Variants in PPP2R2C observed in about 807,000 individuals in gnomAD.
PPP2R2C encodes the protein protein phosphatase 2, regulatory subunit B, gamma.
In PPP2R2C, 10 loss-of-function variants were observed where a neutral mutation model predicts 45.3. The ratio of observed to expected loss-of-function variants is 0.22; its 90% confidence interval spans 0.14 to 0.37. PPP2R2C has a LOEUF of 0.37. Among genes scored for constraint, PPP2R2C ranks in the 10% least tolerant of loss-of-function variants. The probability of loss-of-function intolerance (pLI) is 1.00; values close to 1 mark genes in which losing one functional copy is unlikely to be tolerated. For synonymous variants in PPP2R2C, 257 were observed against 245.4 expected (o/e 1.05, Z -0.44); for missense variants, 308 against 619.7 (o/e 0.50, Z 5.34).
intron 2 of PPP2R2C, among the ~76,000 whole-genome samples, chr4:6,501,728 C>T (rs1490474408): frequency 1.3e-5 from 2 of 152,168 alleles, no homozygotes; most frequent in Admixed American, 6.5e-5. Flanking sequence ...CTTAGGGTGG[C>T]CTGGCCTTCC....
intron 1 of PPP2R2C, among the ~76,000 whole-genome samples, chr4:6,412,032 T>A (rs1718233208): frequency 6.6e-6 from 1 of 152,164 alleles, no homozygotes; most frequent in Non-Finnish European, 1.5e-5. Flanking sequence ...CATGAGCTCC[T>A]CAGAGCTAGT....
intron 5 of PPP2R2C, chr4:6,350,342 T>C (rs1465518266): frequency 2.0e-6 from 2 of 985,286 alleles, no homozygotes; most frequent in African/African-American, 3.5e-5. Flanking sequence ...TAAAGTGGGA[T>C]CCAGAGAAAA....
chr4:6,342,498 G>A (rs1468555257), intron 6 of PPP2R2C, among the ~76,000 whole-genome samples: 1 of 152,116 alleles, frequency 6.6e-6, no homozygotes, highest in African/African-American at 2.4e-5. Context: ...AATGAGCTGC[G>A]GTTATTATTT....
chr4:6,380,960 AC>A (rs768111918), intron 2 of PPP2R2C, 36 bp downstream of exon 2: 66 of 1,232,784 alleles, frequency 5.4e-5, no homozygotes, highest in Non-Finnish European at 6.3e-5. Flanking sequence ...TCTGCTCCCC[AC>A]CCCTCCCACC....
intron 1 of PPP2R2C, among the ~76,000 whole-genome samples, chr4:6,386,774 G>T (rs1173439921): frequency 6.6e-6 from 1 of 152,188 alleles, no homozygotes; most frequent in Non-Finnish European, 1.5e-5. Flanking sequence ...AAATGTGCTG[G>T]CCGCTGCAAT....
chr4:6,458,236 T>G (rs1721143061), intron 1 of PPP2R2C, among the ~76,000 whole-genome samples: 1 of 152,250 alleles, frequency 6.6e-6, no homozygotes. Flanking sequence ...TGCAGGCTCA[T>G]CACTGGGAGT....
chr4:6,502,883 T>C (rs535612574), intron 2 of PPP2R2C, among the ~76,000 whole-genome samples: 1 of 152,264 alleles, frequency 6.6e-6, no homozygotes, highest in Admixed American at 6.5e-5. Context: ...CCACATCTAA[T>C]GCCCTGGCTC....
chr4:6,541,377 G>GATTAATTAATTA (rs369730121), intron 1 of PPP2R2C, among the ~76,000 whole-genome samples: 1 of 151,876 alleles, frequency 6.6e-6, no homozygotes, highest in African/African-American at 2.4e-5. Context: ...TACAGGTCAA[G>GATTAATTAATTA]ATTAATTAAT....
intron 6 of PPP2R2C, among the ~76,000 whole-genome samples, chr4:6,341,998 C>T (rs2109206404): frequency 6.6e-6 from 1 of 152,028 alleles, no homozygotes; most frequent in African/African-American, 2.4e-5. Context: ...GACCCTCACA[C>T]AACACAGGCT....
At chr4:6,383,489 G>C in intron 1 of PPP2R2C, 1 of 1,208,510 alleles carries the variant, frequency 8.3e-7, no homozygotes, top group Non-Finnish European at 1.1e-6. Context: ...AAAAGTCCTG[G>C]CCACCTGCTG....
Position 6,378,277 on chromosome 4 carries a change from A to G in PPP2R2C, c.334+130T>C. 1 of 1,525,958 alleles carries G rather than the reference A, an allele frequency of 6.6e-7. No homozygotes were observed. Among genetic ancestry groups the G allele is most frequent in the Non-Finnish European group, 8.8e-7 (1 of 1,138,928 alleles). The allele number at this position is 1,525,958 out of a possible 1,614,324, so 94.5% of individuals were successfully genotyped here. A position where few individuals can be genotyped will look rare whatever the true frequency, so the allele number is the denominator to read the frequency against. On this transcript the variant is annotated intron_variant, in intron 3 of 8. Coordinates refer to ENST00000382599, the MANE Select transcript of PPP2R2C (RefSeq NM_020416.4). The surrounding 1 kb of genome is among the most constrained non-coding windows in gnomAD (Gnocchi z 5.2). ...CTCATGGGATTTATATGCTGCTCAA[A>G]AAGGATATTATTTTCTAGGCGTTCT...
intron 2 of PPP2R2C, among the ~76,000 whole-genome samples, chr4:6,534,032 G>A (rs28392508): frequency 0.77 from 109,729 of 141,798 alleles, 39,844 homozygotes; most frequent in South Asian, 0.83. Flanking sequence ...ACACACACAT[G>A]TCAACAAGCA....
At chr4:6,338,567 T>G (rs1461016097) in intron 6 of PPP2R2C, among the ~76,000 whole-genome samples, 1 of 152,072 alleles carries the variant, frequency 6.6e-6, no homozygotes, top group African/African-American at 2.4e-5. Context: ...TCCTTCTGCT[T>G]GAAGCCCTCC....
intron 1 of PPP2R2C, among the ~76,000 whole-genome samples, chr4:6,448,385 C>G (rs906689734): frequency 1.3e-5 from 2 of 152,066 alleles, no homozygotes; most frequent in Non-Finnish European, 2.9e-5. Flanking sequence ...GATCCAGACC[C>G]AGGTCTCCTG....
chr4:6,329,477 C>T lies in PPP2R2C; in HGVS notation c.961-124G>A. 2 of 783,736 alleles carry T rather than the reference C, an allele frequency of 2.6e-6. No individual in the cohort carries two copies. The highest frequency in any genetic ancestry group is 2.1e-5 in the Admixed American group (1 of 48,720). The allele number at this position is 783,736 out of a possible 1,614,324, so 48.5% of individuals were successfully genotyped here. On this transcript the variant is annotated intron_variant, in intron 7 of 8. Transcript: ENST00000382599. This position sits in a 1 kb window ranked among gnomAD's most constrained non-coding sequence, Gnocchi z 5.8. ...TGACATGGCCCAGCGCAGACCTGCT[C>T]ATCTCAGCGAGGGTCTGAATGCTCT...
At chr4:6,554,024 G>C (rs1725275892) in intron 1 of PPP2R2C, among the ~76,000 whole-genome samples, 1 of 152,180 alleles carries the variant, frequency 6.6e-6, no homozygotes, top group South Asian at 2.1e-4. Flanking sequence ...TAATGAACTA[G>C]AAGCAAAATT....
At chr4:6,358,370 A>G (rs905360511) in intron 5 of PPP2R2C, among the ~76,000 whole-genome samples, 2 of 152,076 alleles carry the variant, frequency 1.3e-5, no homozygotes, top group Admixed American at 6.5e-5. Context: ...TTAGACCTAA[A>G]ACCAGAAAAA....
At chr4:6,351,834 G>A (rs1387246025) in intron 5 of PPP2R2C, among the ~76,000 whole-genome samples, 1 of 152,160 alleles carries the variant, frequency 6.6e-6, no homozygotes, top group Admixed American at 6.5e-5. Flanking sequence ...CACCGGGCTG[G>A]GTCCATGGTC....
intron 2 of PPP2R2C, among the ~76,000 whole-genome samples, chr4:6,493,222 C>T (rs886301131): frequency 6.6e-6 from 1 of 152,114 alleles, no homozygotes; most frequent in Admixed American, 6.5e-5. Flanking sequence ...CACCCACACA[C>T]AAGCACACAC....
Sources: allele counts gnomAD v4.1 joint callset (sites outside exome capture counted in the v4.1 genomes callset), GRCh38; gene constraint gnomAD v4.1.1; non-coding constraint Gnocchi (gnomAD v3.1); transcripts MANE v1.5; gene names NCBI Gene and HGNC (gene_info 2026-07-23, HGNC 2026-07-21).